Variants in NR3C2 observed in about 807,000 individuals in gnomAD.
The protein encoded by NR3C2 is nuclear receptor subfamily 3 group C member 2.
A neutral mutation model predicts 86.4 loss-of-function variants in NR3C2; 15 were observed. The ratio of observed to expected loss-of-function variants is 0.17; its 90% CI spans 0.12 to 0.27. The LOEUF (loss-of-function observed/expected upper bound fraction) is 0.27, where lower values mean the gene tolerates loss of function less well. NR3C2 is among the 10% of genes least tolerant of loss of function. The probability of loss-of-function intolerance (pLI) is 1.00; values close to 1 mark genes in which losing one functional copy is unlikely to be tolerated. For synonymous variants in NR3C2, 458 were observed against 450.5 expected (o/e 1.02, Z -0.21); for missense variants, 960 against 1,195.6 (o/e 0.80, Z 2.91).
intron 8 of NR3C2, among the ~76,000 whole-genome samples, chr4:148,111,216 G>A (rs1392676418): frequency 1.3e-5 from 2 of 152,180 alleles, no homozygotes; most frequent in Admixed American, 1.3e-4. Flanking sequence ...AAAGATAAAT[G>A]AGCATATGAA....
rs572976185 is a variant in NR3C2 at position 148,109,909 on chromosome 4, A to T, written c.2799+4195T>A. Reference sequence around the variant, plus strand: ...CTGTTCTACACAATTACCATAACATAAATAGTCCTTGATCTCTCTAAGAAT... The same window carrying T: ...CTGTTCTACACAATTACCATAACATTAATAGTCCTTGATCTCTCTAAGAAT... On this transcript the variant is annotated intron_variant, in intron 8 of 8. Transcript: ENST00000358102. Among the ~76,000 whole-genome samples, 911 of 152,358 alleles carry T rather than the reference A, an allele frequency of 6.0e-3. 8 individuals carry two copies. The highest frequency in any genetic ancestry group is 0.021 in the African/African-American group (874 of 41,582).
intron 2 of NR3C2, among the ~76,000 whole-genome samples, chr4:148,403,985 A>G (rs1396245025): frequency 6.6e-6 from 1 of 152,096 alleles, no homozygotes; most frequent in Non-Finnish European, 1.5e-5. Context: ...TCTTTTTGAT[A>G]GGTATTATCC....
At chr4:148,167,300 T>C (rs1285067238) in intron 4 of NR3C2, among the ~76,000 whole-genome samples, 1 of 152,230 alleles carries the variant, frequency 6.6e-6, no homozygotes. Context: ...TGTGCTATGA[T>C]TTTAAAATGG....
intron 2 of NR3C2, among the ~76,000 whole-genome samples, chr4:148,323,163 T>TG (rs1163612525): frequency 6.7e-6 from 1 of 148,318 alleles, no homozygotes; most frequent in Non-Finnish European, 1.5e-5. Context: ...GTGCCTCTGC[T>TG]GGGGGGTGCC....
At chr4:148,332,584 GCTA>G (rs1446468080) in intron 2 of NR3C2, among the ~76,000 whole-genome samples, 2 of 152,080 alleles carry the variant, frequency 1.3e-5, no homozygotes, top group Non-Finnish European at 2.9e-5. Flanking sequence ...TACCAAAATG[GCTA>G]CCAGACTGTC....
At position 148,318,031 on chromosome 4, in the gene NR3C2, C is replaced by T. The variant is rs111912397; in HGVS notation, c.1758-57914G>A. Among the ~76,000 whole-genome samples the T allele has an allele frequency of 8.1e-5, 10 of 122,916 alleles. No homozygotes were observed. The East Asian group carries it at 2.0e-3, about 24-fold the overall frequency. The allele number at this position is 122,916 out of a possible 152,430, so 80.6% of individuals were successfully genotyped here. A position where few individuals can be genotyped will look rare whatever the true frequency, so the allele number is the denominator to read the frequency against. On this transcript the variant is annotated intron_variant, in intron 2 of 8. Transcript: ENST00000358102. ...CCAATGCTATCCCTCCCCCCTCCCC[C>T]CACCCCACAACAGTCCCCAGAGTGT...
chr4:148,201,861 T>C (rs1458357066), intron 3 of NR3C2, among the ~76,000 whole-genome samples: 4 of 152,252 alleles, frequency 2.6e-5, no homozygotes, highest in Non-Finnish European at 5.9e-5. Context: ...TATCCCTCTA[T>C]ACACATGGCT....
chr4:148,396,763 TAC>T (rs1280560263), intron 2 of NR3C2, among the ~76,000 whole-genome samples: 1 of 152,188 alleles, frequency 6.6e-6, no homozygotes. Context: ...CTGAAAACAT[TAC>T]ACTCTAATAA....
intron 2 of NR3C2, among the ~76,000 whole-genome samples, chr4:148,337,133 C>A (rs967658803): frequency 6.6e-6 from 1 of 152,062 alleles, no homozygotes; most frequent in African/African-American, 2.4e-5. Flanking sequence ...AGAAAAAAGG[C>A]AGAATACAAA....
Position 148,256,859 on chromosome 4 carries a change from G to A in NR3C2, c.1897+3119C>T, listed in dbSNP as rs1739858131. Among the ~76,000 whole-genome samples, 4 of 143,458 alleles carry A rather than the reference G, an allele frequency of 2.8e-5. No homozygotes were observed. In the Admixed American group the frequency reaches 2.9e-4, roughly 10 times the overall value. The allele number at this position is 143,458 out of a possible 152,430, so 94.1% of individuals were successfully genotyped here. A position where few individuals can be genotyped will look rare whatever the true frequency, so the allele number is the denominator to read the frequency against. ...TGTTTTTATATTAAATGTTTAAGAA[G>A]AAGAAAATAAGAACACACATACATC... On this transcript the variant is annotated intron_variant, in intron 3 of 8. Transcript: ENST00000358102.
At chr4:148,438,808 T>G (rs80240853) in intron 1 of NR3C2, among the ~76,000 whole-genome samples, 1 of 150,432 alleles carries the variant, frequency 6.6e-6, no homozygotes, top group Non-Finnish European at 1.5e-5. Flanking sequence ...TCTGTGTTTT[T>G]ACACTAGAGT....
In NR3C2 at chr4:148,079,390, CA is replaced by C. The variant is rs958004560; in HGVS notation, c.*1953del. 15 of 152,252 alleles carry C rather than the reference CA, an allele frequency of 9.9e-5. No individual in the cohort carries two copies. Among genetic ancestry groups the C allele is most frequent in the African/African-American group, 3.4e-4 (14 of 41,442 alleles). 9.4% of individuals were successfully genotyped at this position (152,252 alleles called of 1,614,324 possible). A position where few individuals can be genotyped will look rare whatever the true frequency, so the allele number is the denominator to read the frequency against. ...CATAAGGCAGGTGTCTTTTGAAAGA[CA>C]AGGTAATGTTGCCTGCATGGTGAAC... On this transcript the variant is annotated 3_prime_UTR_variant, in exon 9 of 9. Coordinates refer to ENST00000358102, the MANE Select transcript of NR3C2 (RefSeq NM_000901.5).
At chr4:148,087,067 G>C (rs1292242386) in intron 8 of NR3C2, among the ~76,000 whole-genome samples, 1 of 152,198 alleles carries the variant, frequency 6.6e-6, no homozygotes, top group African/African-American at 2.4e-5. Flanking sequence ...AGCAACTTCA[G>C]CAAAGTCTCA....
chr4:148,118,043 C>T (rs1217989849), intron 7 of NR3C2, among the ~76,000 whole-genome samples: 1 of 152,190 alleles, frequency 6.6e-6, no homozygotes, highest in Non-Finnish European at 1.5e-5. Context: ...CACATTGTCT[C>T]CTGTCATCTT....
At chr4:148,330,560 TAATA>T (rs541007504) in intron 2 of NR3C2, among the ~76,000 whole-genome samples, 60 of 152,336 alleles carry the variant, frequency 3.9e-4, no homozygotes, top group Non-Finnish European at 6.3e-4. Context: ...TCACTGATTT[TAATA>T]AATAAAGACT....
chr4:148,289,300 G>A (rs1248658409), intron 2 of NR3C2, among the ~76,000 whole-genome samples: 4 of 145,242 alleles, frequency 2.8e-5, no homozygotes, highest in African/African-American at 1.0e-4. Flanking sequence ...ACCATGATGT[G>A]AATATGACAG....
Position 148,152,597 on chromosome 4 carries a change from A to G in NR3C2, c.2382T>C (p.Pro794=). 6.2e-7 allele frequency: 1 copy of G among 1,614,042 alleles called. No homozygotes were observed. The highest frequency in any genetic ancestry group is 8.5e-7 in the Non-Finnish European group (1 of 1,179,890). The part of the protein sequence containing the change: ...AKVLPGFKNL[P]LEDQITLIQY... ...GGATTAGGGTAATTTGGTCCTCAAGAGGCAAGTTTTTAAATCCTGAAGAAC... is the reference window on the plus strand; with the variant it reads ...GGATTAGGGTAATTTGGTCCTCAAGGGGCAAGTTTTTAAATCCTGAAGAAC... Residue 794 remains proline, a synonymous_variant, in exon 6 of 9, where the codon CCT becomes CCC. Transcript: ENST00000358102.
chr4:148,352,541 A>G (rs79004743), intron 2 of NR3C2, among the ~76,000 whole-genome samples: 13,356 of 152,062 alleles, frequency 0.088, 863 homozygotes, highest in African/African-American at 0.19. Context: ...CCCCATCTCA[A>G]TGTGACACTG....
intron 2 of NR3C2, among the ~76,000 whole-genome samples, chr4:148,398,523 T>A (rs1461095634): frequency 2.0e-5 from 3 of 152,206 alleles, no homozygotes; most frequent in Non-Finnish European, 2.9e-5. Flanking sequence ...GTATACCACC[T>A]TAACTCACAT....
Sources: gnomAD v4.1 joint callset for allele counts (sites outside exome capture counted in the v4.1 genomes callset) on GRCh38, gnomAD v4.1.1 for gene constraint, MANE v1.5 for transcripts, NCBI Gene and HGNC (gene_info 2026-07-23, HGNC 2026-07-21) for gene names.